VPS53: variants seen among roughly 807,000 people sequenced by gnomAD.
VPS53 encodes the protein VPS53 subunit of GARP complex, also known as vacuolar protein sorting-associated protein 53 homolog.
Under a neutral mutation model 107.0 loss-of-function variants are expected in VPS53, and 70 were observed. The observed-to-expected ratio is 0.65, with a 90% CI of 0.54 to 0.80. The LOEUF is 0.80. VPS53 is among the 30% of genes least tolerant of loss of function. The pLI is 0.00. For synonymous variants in VPS53, 409 were observed against 393.3 expected (o/e 1.04, Z -0.47); for missense variants, 917 against 1,049.4 (o/e 0.87, Z 1.74).
intron 17 of VPS53, among the ~76,000 whole-genome samples, chr17:543,334 G>A (rs993466313): frequency 1.8e-4 from 28 of 152,144 alleles, no homozygotes; most frequent in Admixed American, 1.6e-3. Flanking sequence ...GGATTATAAC[G>A]CAGCCTCCTA....
In VPS53 at chr17:648,893, T is replaced by TG. The variant is rs543985584; in HGVS notation, c.608+4397_608+4398insC. Among the ~76,000 whole-genome samples, 76 of 99,238 alleles carry TG rather than the reference T, an allele frequency of 7.7e-4. 1 individual carries two copies. The highest frequency in any genetic ancestry group is 2.5e-3 in the African/African-American group (64 of 25,286). The allele number at this position is 99,238 out of a possible 152,430, so 65.1% of individuals were successfully genotyped here. A position where few individuals can be genotyped will look rare whatever the true frequency, so the allele number is the denominator to read the frequency against. On this transcript the variant is annotated intron_variant, in intron 7 of 21. Transcript: ENST00000437048. ...GAGGACAGAGGAATGGAACAGGCACTAAGATCTTACACTATAGGACAGAGG... is the reference window on the plus strand; with the variant it reads ...GAGGACAGAGGAATGGAACAGGCACTGAAGATCTTACACTATAGGACAGAGG...
intron 4 of VPS53, among the ~76,000 whole-genome samples, chr17:688,121 G>A (rs1170547871): frequency 1.3e-5 from 2 of 152,070 alleles, no homozygotes; most frequent in African/African-American, 2.4e-5. Context: ...ATGTCTCCCT[G>A]CCAAAAAAGC....
At chr17:562,419 T>C (rs988247186) in intron 14 of VPS53, 84 bp downstream of exon 14, 1 of 1,570,610 alleles carries the variant, frequency 6.4e-7, no homozygotes, top group Non-Finnish European at 8.7e-7. Flanking sequence ...GGTGGTTTAG[T>C]AAACAACTTC....
intron 17 of VPS53, among the ~76,000 whole-genome samples, chr17:543,192 C>T (rs1005182766): frequency 4.6e-5 from 7 of 151,908 alleles, no homozygotes; most frequent in Non-Finnish European, 7.4e-5. Flanking sequence ...CTTGATTCAA[C>T]GTAGAAGTGA....
intron 4 of VPS53, among the ~76,000 whole-genome samples, chr17:662,499 C>A (rs1227846128): frequency 6.6e-6 from 1 of 151,996 alleles, no homozygotes; most frequent in Non-Finnish European, 1.5e-5. Flanking sequence ...ACCATCCTGG[C>A]TAACACGGTG....
In VPS53 at chr17:531,212, C is replaced by T. The variant is rs139888741; in HGVS notation, c.2085+1630G>A. 6.6e-5 allele frequency among the ~76,000 whole-genome samples: 10 copies of T among 152,290 alleles called. No homozygotes were observed. In the East Asian group the frequency reaches 1.4e-3, roughly 21 times the overall value. On this transcript the variant is annotated intron_variant, in intron 19 of 21. Coordinates refer to ENST00000437048, the MANE Select transcript of VPS53 (RefSeq NM_001128159.3). ...GCCAAACCTCAACTCATGTGAGAAT[C>T]GTTCAGGGGCCACGTTGCCCTGTAG...
At chr17:601,629 T>A (rs1031590193) in intron 12 of VPS53, among the ~76,000 whole-genome samples, 166 bp downstream of exon 12, 1 of 152,146 alleles carries the variant, frequency 6.6e-6, no homozygotes, top group Non-Finnish European at 1.5e-5. Flanking sequence ...TGCCCTTTCA[T>A]GGAGTTTTCT....
At chr17:676,434 T>C (rs543103282) in intron 4 of VPS53, 9 of 152,350 alleles carry the variant, frequency 5.9e-5, no homozygotes, top group African/African-American at 2.2e-4. Flanking sequence ...GATGGAATTT[T>C]CCTTACACGA....
intron 12 of VPS53, among the ~76,000 whole-genome samples, chr17:587,212 G>T (rs995066468): frequency 6.6e-6 from 1 of 152,064 alleles, no homozygotes; most frequent in South Asian, 2.1e-4. Context: ...ATAGGCACAC[G>T]CCACCACACC....
intron 10 of VPS53, among the ~76,000 whole-genome samples, chr17:625,022 A>G (rs74956776): frequency 0.1 from 12,791 of 124,882 alleles, 644 homozygotes; most frequent in East Asian, 0.16. Context: ...ACAGGGTCTC[A>G]CTCTGTCACC....
intron 1 of VPS53, among the ~76,000 whole-genome samples, chr17:711,961 C>T (rs1045978769): frequency 6.6e-6 from 1 of 151,882 alleles, no homozygotes; most frequent in Admixed American, 6.6e-5. Context: ...GGACTACAGG[C>T]GCTCGCCACC....
At chr17:703,935 G>C in intron 2 of VPS53, among the ~76,000 whole-genome samples, 1 of 151,880 alleles carries the variant, frequency 6.6e-6, no homozygotes, top group East Asian at 1.9e-4. Flanking sequence ...CACCCGCCTT[G>C]GTCTCCCAAA....
intron 4 of VPS53, among the ~76,000 whole-genome samples, chr17:675,975 C>T (rs924455662): frequency 1.3e-5 from 2 of 152,024 alleles, no homozygotes; most frequent in African/African-American, 4.8e-5. Context: ...TTAGAAACCC[C>T]GGCATGGGAT....
chr17:619,511 C>T (rs1321193516), intron 11 of VPS53, among the ~76,000 whole-genome samples: 1 of 140,020 alleles, frequency 7.1e-6, no homozygotes, highest in African/African-American at 2.7e-5. Context: ...GCTGGGACTA[C>T]AGGCGTGCAC....
At chr17:623,381 T>C (rs1969553289) in intron 11 of VPS53, 152 bp downstream of exon 11, 2 of 872,258 alleles carry the variant, frequency 2.3e-6, no homozygotes, top group Non-Finnish European at 3.4e-6. Context: ...CAGAGTGTTC[T>C]GTATCATCAC....
chr17:611,074 C>T (rs1039738009), intron 11 of VPS53, among the ~76,000 whole-genome samples: 21 of 151,942 alleles, frequency 1.4e-4, no homozygotes, highest in African/African-American at 4.6e-4. Flanking sequence ...ACATGAGTGG[C>T]GCAATCTCAG....
At chr17:601,666 T>C in intron 12 of VPS53, 129 bp downstream of exon 12, 1 of 651,960 alleles carries the variant, frequency 1.5e-6, no homozygotes. Context: ...AAAGGCCTTC[T>C]GTAAAGACCA....
In VPS53 at chr17:519,432, G is replaced by A. The variant is rs917883076; in HGVS notation, c.2329-134C>T. 1.7e-4 allele frequency: 158 copies of A among 924,480 alleles called. No individual in the cohort carries two copies. Among genetic ancestry groups the A allele is most frequent in the Non-Finnish European group, 2.3e-4 (151 of 649,966 alleles). The allele number at this position is 924,480 out of a possible 1,614,324, so 57.3% of individuals were successfully genotyped here. A position where few individuals can be genotyped will look rare whatever the true frequency, so the allele number is the denominator to read the frequency against. ...AGTTACTCCAGGCTGAGGATGAACC[G>A]TTTCCTCAAGGGACTCACCATCCCC... On this transcript the variant is annotated intron_variant, in intron 21 of 21. Coordinates refer to ENST00000437048, the MANE Select transcript of VPS53 (RefSeq NM_001128159.3). The surrounding 1 kb of genome is among the most constrained non-coding windows in gnomAD (Gnocchi z 5.0).
intron 4 of VPS53, among the ~76,000 whole-genome samples, chr17:686,041 G>T (rs1479098208): frequency 6.6e-6 from 1 of 151,676 alleles, no homozygotes. Flanking sequence ...AGAATTGGCT[G>T]GTTGCAGTGG....
Sources: gnomAD v4.1 joint callset for allele counts (sites outside exome capture counted in the v4.1 genomes callset) on GRCh38, gnomAD v4.1.1 for gene constraint, Gnocchi (gnomAD v3.1) non-coding constraint, MANE v1.5 for transcripts, NCBI Gene and HGNC (gene_info 2026-07-23, HGNC 2026-07-21) for gene names.